GPD2: variants seen among roughly 807,000 people sequenced by gnomAD.
GPD2 encodes glycerol-3-phosphate dehydrogenase, mitochondrial.
GPD2 carries 54 observed loss-of-function variants against 82.4 expected under a neutral mutation model. The ratio of observed to expected loss-of-function variants is 0.66; its 90% CI spans 0.53 to 0.82. The LOEUF (loss-of-function observed/expected upper bound fraction) is 0.82, where lower values mean the gene tolerates loss of function less well. GPD2 is among the 40% of genes least tolerant of loss of function. The probability of loss-of-function intolerance (pLI) is 0.00; values close to 1 mark genes in which losing one functional copy is unlikely to be tolerated. For synonymous variants in GPD2, 288 were observed against 306.1 expected (o/e 0.94, Z 0.62); for missense variants, 748 against 896.2 (o/e 0.83, Z 2.11).
chr2:156,496,000 G>A (rs747513119), intron 2 of GPD2, 44 bp from the exon 3 acceptor site: 1 of 1,484,648 alleles, frequency 6.7e-7, no homozygotes, highest in South Asian at 1.1e-5. Flanking sequence ...TTGTTAAATT[G>A]ACATTCCAAA....
intron 2 of GPD2, among the ~76,000 whole-genome samples, chr2:156,487,679 G>A (rs1346331124): frequency 6.6e-6 from 1 of 152,170 alleles, no homozygotes; most frequent in Non-Finnish European, 1.5e-5. Context: ...GTGTGAGCTG[G>A]CAGCTTCTAG....
chr2:156,535,930 G>T (rs1686060214), intron 6 of GPD2, among the ~76,000 whole-genome samples: 1 of 152,184 alleles, frequency 6.6e-6, no homozygotes, highest in Admixed American at 6.5e-5. Flanking sequence ...TAGAACAAAG[G>T]CATGTCAATT....
chr2:156,428,253 G>C, the GPD2 span, among the ~76,000 whole-genome samples: 1 of 152,140 alleles, frequency 6.6e-6, no homozygotes, highest in Non-Finnish European at 1.5e-5. Context: ...TGCAACAGCA[G>C]GACCCAAAAG....
the GPD2 span, among the ~76,000 whole-genome samples, chr2:156,407,944 ATTTTTTTTTTTTT>A: frequency 3.5e-5 from 2 of 56,434 alleles, no homozygotes; most frequent in East Asian, 5.9e-4. Flanking sequence ...CCATGCTGTA[ATTTTTTTTTTTTT>A]TTTTTTTTTT....
intron 2 of GPD2, among the ~76,000 whole-genome samples, chr2:156,490,301 A>T (rs1684126851): frequency 6.6e-6 from 1 of 151,986 alleles, no homozygotes; most frequent in African/African-American, 2.4e-5. Context: ...TGTCATAATT[A>T]TAAGTAGGGC....
chr2:156,490,144 T>G (rs889786639), intron 2 of GPD2, among the ~76,000 whole-genome samples: 2 of 152,134 alleles, frequency 1.3e-5, no homozygotes, highest in Non-Finnish European at 2.9e-5. Flanking sequence ...CCCAAAGCCC[T>G]CTTGTCTTAA....
intron 1 of GPD2, among the ~76,000 whole-genome samples, chr2:156,468,903 A>G (rs1683233343): frequency 6.6e-6 from 1 of 152,028 alleles, no homozygotes. Flanking sequence ...ACCCTGTTCT[A>G]TCAACTTCCA....
intron 6 of GPD2, among the ~76,000 whole-genome samples, chr2:156,531,204 A>T (rs1020743836): frequency 6.6e-6 from 1 of 152,158 alleles, no homozygotes; most frequent in Non-Finnish European, 1.5e-5. Flanking sequence ...AAATATGCAT[A>T]GTTTTAATTC....
intron 6 of GPD2, among the ~76,000 whole-genome samples, chr2:156,545,392 G>A (rs1686490732): frequency 1.3e-5 from 2 of 152,132 alleles, no homozygotes; most frequent in Admixed American, 6.5e-5. Context: ...GGGAGGTATT[G>A]TTTCTTACCA....
At chr2:156,456,968 C>A (rs1682809470) in intron 1 of GPD2, among the ~76,000 whole-genome samples, 1 of 152,108 alleles carries the variant, frequency 6.6e-6, no homozygotes, top group African/African-American at 2.4e-5. Flanking sequence ...TTCCCCAGTT[C>A]TCATTGTAAG....
intron 6 of GPD2, among the ~76,000 whole-genome samples, chr2:156,520,865 C>G (rs917077508): frequency 6.6e-6 from 1 of 152,108 alleles, no homozygotes; most frequent in Non-Finnish European, 1.5e-5. Context: ...GGATTGCAGG[C>G]GTGAGCCACC....
chr2:156,558,385 G>C (rs1687040867), intron 9 of GPD2, among the ~76,000 whole-genome samples: 1 of 152,026 alleles, frequency 6.6e-6, no homozygotes, highest in African/African-American at 2.4e-5. Context: ...GTTCACATCT[G>C]TGCCATTTCT....
chr2:156,508,965 A>G (rs983415467), intron 3 of GPD2, among the ~76,000 whole-genome samples: 9 of 152,300 alleles, frequency 5.9e-5, no homozygotes, highest in African/African-American at 2.2e-4. Flanking sequence ...GCGGGGAGAT[A>G]CCTGACAGCC....
chr2:156,451,733 C>T (rs1396446199), intron 1 of GPD2, among the ~76,000 whole-genome samples: 11 of 140,850 alleles, frequency 7.8e-5, no homozygotes, highest in Admixed American at 2.8e-4. Flanking sequence ...GGCGGCTGGC[C>T]GGGCGGGGGG....
chr2:156,400,850 A>C, the GPD2 span, among the ~76,000 whole-genome samples: 2 of 152,280 alleles, frequency 1.3e-5, no homozygotes, highest in Admixed American at 6.5e-5. Flanking sequence ...AAATCAGCCG[A>C]CGTTTGCTTT....
intron 1 of GPD2, among the ~76,000 whole-genome samples, chr2:156,452,800 G>T (rs1402666661): frequency 6.6e-6 from 1 of 152,096 alleles, no homozygotes; most frequent in African/African-American, 2.4e-5. Flanking sequence ...GAAGGAAGGG[G>T]ATCTAGTGTA....
chr2:156,505,385 G>T (rs780361440), intron 3 of GPD2, among the ~76,000 whole-genome samples: 4 of 151,896 alleles, frequency 2.6e-5, no homozygotes, highest in East Asian at 1.9e-4. Flanking sequence ...TATTACTGTC[G>T]CAAAATTCCC....
intron 1 of GPD2, among the ~76,000 whole-genome samples, chr2:156,450,152 T>G (rs1244733217): frequency 6.6e-6 from 1 of 152,216 alleles, no homozygotes; most frequent in Non-Finnish European, 1.5e-5. Context: ...ATTTGAGAGC[T>G]GGTCCACTTA....
the GPD2 span, among the ~76,000 whole-genome samples, chr2:156,409,649 A>C: frequency 6.6e-6 from 1 of 152,196 alleles, no homozygotes; most frequent in Admixed American, 6.6e-5. Context: ...GCTGTGAGCT[A>C]TGATTTCACC....
Sources: allele counts gnomAD v4.1 joint callset (sites outside exome capture counted in the v4.1 genomes callset), GRCh38; gene constraint gnomAD v4.1.1; transcripts MANE v1.5; gene names NCBI Gene and HGNC (gene_info 2026-07-23, HGNC 2026-07-21).